ZC3H13: variants seen among roughly 807,000 people sequenced by gnomAD.
ZC3H13 encodes the protein zinc finger CCCH-type containing 13.
Under a neutral mutation model 204.1 loss-of-function variants are expected in ZC3H13, and 64 were observed. The observed-to-expected ratio is 0.31, with a 90% confidence interval of 0.26 to 0.39. The LOEUF (loss-of-function observed/expected upper bound fraction) is 0.39, where lower values mean the gene tolerates loss of function less well. Ranked by LOEUF, ZC3H13 falls within the 10% of genes least tolerant of loss-of-function variation. The pLI is 1.00. For synonymous variants in ZC3H13, 667 were observed against 693.7 expected, an observed-to-expected ratio of 0.96 and a Z score of 0.60; for missense variants, 1,833 against 2,082.7, an observed-to-expected ratio of 0.88 and a Z score of 2.33.
At chr13:46,027,264 C>A (rs537662652) in intron 4 of ZC3H13, among the ~76,000 whole-genome samples, 120 of 152,192 alleles carry the variant, frequency 7.9e-4, no homozygotes, top group Non-Finnish European at 1.6e-3. Flanking sequence ...ACCACTACAC[C>A]CGGCTAATTT....
chr13:45,994,008 G>A (rs1430140985), intron 8 of ZC3H13, among the ~76,000 whole-genome samples: 1 of 152,148 alleles, frequency 6.6e-6, no homozygotes, highest in Non-Finnish European at 1.5e-5. Flanking sequence ...AACAACACAG[G>A]GTCCACACTT....
intron 15 of ZC3H13, 28 bp downstream of exon 15, chr13:45,967,476 T>C: frequency 2.0e-6 from 3 of 1,507,264 alleles, no homozygotes; most frequent in South Asian, 1.4e-5. Context: ...AATAAAGCAG[T>C]ATCACAGACA....
intron 9 of ZC3H13, among the ~76,000 whole-genome samples, chr13:45,986,166 G>T (rs1387347889): frequency 6.6e-6 from 1 of 152,198 alleles, no homozygotes; most frequent in African/African-American, 2.4e-5. Context: ...CTCCTCAAAT[G>T]TACTTAAGCA....
At chr13:46,012,469 A>G (rs1331966599) in intron 5 of ZC3H13, among the ~76,000 whole-genome samples, 2 of 152,202 alleles carry the variant, frequency 1.3e-5, no homozygotes, top group African/African-American at 4.8e-5. Context: ...GAAGAACTAA[A>G]AAAACAACAA....
rs907109557 is a variant in ZC3H13 at position 45,995,931 on chromosome 13, T to C, written c.945-6834A>G. ...TAATTGTGTTGGAATGATTGTGTTT[T>C]TAGTTAGCTATGCTCTGAGTACTAT... On this transcript the variant is annotated intron_variant, in intron 8 of 18. Transcript: ENST00000679008. 4.6e-5 allele frequency among the ~76,000 whole-genome samples: 7 copies of C among 152,356 alleles called. No homozygotes were observed. In the South Asian group the frequency reaches 1.4e-3, roughly 32 times the overall value.
chr13:45,994,102 GAC>G (rs1271045932), intron 8 of ZC3H13, among the ~76,000 whole-genome samples: 3 of 152,168 alleles, frequency 2.0e-5, no homozygotes, highest in Non-Finnish European at 4.4e-5. Context: ...TCCTCAAAGG[GAC>G]AACCTTTATA....
chr13:45,970,602 A>G (rs1438577653), intron 12 of ZC3H13, 137 bp from the exon 13 acceptor site: 1 of 633,866 alleles, frequency 1.6e-6, no homozygotes, highest in South Asian at 2.3e-5. Context: ...TGTATCATAC[A>G]AAGGATATTC....
chr13:45,965,979 C>T (rs1354322498), intron 15 of ZC3H13, among the ~76,000 whole-genome samples: 1 of 152,048 alleles, frequency 6.6e-6, no homozygotes, highest in African/African-American at 2.4e-5. Flanking sequence ...ATCTCAATTC[C>T]TCCTCCCTAT....
At chr13:46,027,952 G>A (rs970092517) in intron 4 of ZC3H13, among the ~76,000 whole-genome samples, 3 of 152,074 alleles carry the variant, frequency 2.0e-5, no homozygotes, top group African/African-American at 7.2e-5. Flanking sequence ...AAACAGTAAC[G>A]AATGTTGTAG....
intron 10 of ZC3H13, among the ~76,000 whole-genome samples, chr13:45,983,049 T>G (rs1043164724): frequency 1.2e-4 from 19 of 152,090 alleles, no homozygotes; most frequent in African/African-American, 4.6e-4. Context: ...CTCTCTGTAA[T>G]GACAGAACAA....
chr13:45,959,820 T>C (rs1951543913), intron 17 of ZC3H13, among the ~76,000 whole-genome samples, 174 bp from the exon 18 acceptor site: 1 of 152,208 alleles, frequency 6.6e-6, no homozygotes, highest in South Asian at 2.1e-4. Flanking sequence ...CACGTAGTTA[T>C]GTTGGTAGTC....
At chr13:46,020,353 G>A in intron 5 of ZC3H13, 96 bp downstream of exon 5, 1 of 863,510 alleles carries the variant, frequency 1.2e-6, no homozygotes, top group Non-Finnish European at 1.8e-6. Context: ...TCTGAAACGA[G>A]AGGGATCACA....
intron 4 of ZC3H13, among the ~76,000 whole-genome samples, chr13:46,032,206 T>G (rs746735152): frequency 5.3e-5 from 8 of 152,198 alleles, no homozygotes; most frequent in Non-Finnish European, 1.2e-4. Flanking sequence ...GAAATCTCTG[T>G]ATTTACCATT....
At chr13:46,001,120 T>C (rs773220452) in intron 8 of ZC3H13, 1 of 152,202 alleles carries the variant, frequency 6.6e-6, no homozygotes. Flanking sequence ...ATGAAAAAGC[T>C]TGAAATATTT....
chr13:45,991,995 A>G (rs2040002574), intron 8 of ZC3H13, among the ~76,000 whole-genome samples: 1 of 152,178 alleles, frequency 6.6e-6, no homozygotes, highest in African/African-American at 2.4e-5. Flanking sequence ...AAATAGTAAC[A>G]CCAATGTTTC....
chr13:46,032,634 C>T (rs2042972990), intron 4 of ZC3H13, among the ~76,000 whole-genome samples: 1 of 152,084 alleles, frequency 6.6e-6, no homozygotes, highest in Non-Finnish European at 1.5e-5. Context: ...CACAGCAATT[C>T]CATTTCTAGA....
At chr13:45,989,230 G>C in intron 8 of ZC3H13, 133 bp from the exon 9 acceptor site, 1 of 948,588 alleles carries the variant, frequency 1.1e-6, no homozygotes, top group East Asian at 2.6e-5. Flanking sequence ...AATTCACAAT[G>C]CTGTAAAATT....
chr13:46,048,395 G>A (rs1175438726), intron 1 of ZC3H13, among the ~76,000 whole-genome samples: 1 of 151,476 alleles, frequency 6.6e-6, no homozygotes, highest in Non-Finnish European at 1.5e-5. Flanking sequence ...GGCTAACATG[G>A]TGAAACCCTG....
At chr13:46,052,072 T>C (rs2044487506) in intron 1 of ZC3H13, 1 of 151,872 alleles carries the variant, frequency 6.6e-6, no homozygotes, top group Non-Finnish European at 1.5e-5. Context: ...AGAGGAAGAT[T>C]CTAAATTTAA....
Sources: allele counts gnomAD v4.1 joint callset (sites outside exome capture counted in the v4.1 genomes callset), GRCh38; gene constraint gnomAD v4.1.1; transcripts MANE v1.5; gene names NCBI Gene and HGNC (gene_info 2026-07-23, HGNC 2026-07-21).